The following NRXN1 variants were observed in gnomAD, a reference collection of about 807,000 sequenced individuals.
NRXN1 encodes the protein neurexin 1.
In NRXN1, 39 loss-of-function variants were observed where a neutral mutation model predicts 150.9. The observed-to-expected ratio is 0.26, with a 90% CI of 0.20 to 0.34. The LOEUF is 0.34. Ranked by LOEUF, NRXN1 falls within the 10% of genes least tolerant of loss-of-function variation. The probability of loss-of-function intolerance (pLI) is 1.00; values close to 1 mark genes in which losing one functional copy is unlikely to be tolerated. For synonymous variants in NRXN1, 924 were observed against 757.0 expected, an observed-to-expected ratio of 1.22 and a Z score of -3.62; for missense variants, 1,815 against 1,949.9, an observed-to-expected ratio of 0.93 and a Z score of 1.30.
chr2:50,957,715 T>C (rs1041388590), intron 2 of NRXN1, among the ~76,000 whole-genome samples: 29 of 152,152 alleles, frequency 1.9e-4, no homozygotes, highest in Admixed American at 5.9e-4. Context: ...AGAGAAAAAG[T>C]GATTTATTCT....
chr2:50,278,065 CTCTTTTT>C (rs1421613342), intron 17 of NRXN1, among the ~76,000 whole-genome samples: 1 of 78,236 alleles, frequency 1.3e-5, no homozygotes, highest in Non-Finnish European at 2.1e-5. Flanking sequence ...CTTTCTCTCT[CTCTTTTT>C]TTTTTTTTTT....
chr2:50,485,590 C>A (rs1215412858), intron 15 of NRXN1, among the ~76,000 whole-genome samples: 3 of 152,144 alleles, frequency 2.0e-5, no homozygotes, highest in Non-Finnish European at 4.4e-5. Flanking sequence ...GGTACACTTC[C>A]AAGGTTGAGG....
chr2:50,350,327 C>T lies in NRXN1; in HGVS notation c.3365-113357G>A, dbSNP rs797005898. Among the ~76,000 whole-genome samples, 4 of 152,266 alleles carry T rather than the reference C, an allele frequency of 2.6e-5. 1 individual carries two copies. The highest frequency in any genetic ancestry group is 9.6e-5 in the African/African-American group (4 of 41,556). On this transcript the variant is annotated intron_variant, in intron 17 of 22. Transcript: ENST00000401669. ...TCTTGCATTTAGGAACATTAGACAG[C>T]CCTTTAGTATTATGCTTGAGGGCCA...
At chr2:50,444,134 G>C (rs900751865) in intron 17 of NRXN1, among the ~76,000 whole-genome samples, 2 of 152,066 alleles carry the variant, frequency 1.3e-5, no homozygotes, top group African/African-American at 4.8e-5. Flanking sequence ...GCACAATCAA[G>C]GCATGCAATG....
At chr2:50,557,194 G>A (rs928097359) in intron 8 of NRXN1, among the ~76,000 whole-genome samples, 2 of 152,170 alleles carry the variant, frequency 1.3e-5, no homozygotes, top group Non-Finnish European at 2.9e-5. Context: ...GCGGGAGTAT[G>A]TGAAATTCAG....
intron 18 of NRXN1, among the ~76,000 whole-genome samples, chr2:50,160,463 C>A (rs2059295965): frequency 6.6e-6 from 1 of 152,000 alleles, no homozygotes; most frequent in Non-Finnish European, 1.5e-5. Flanking sequence ...ATTGCTTGAA[C>A]CCAGGAGGTG....
chr2:50,980,977 G>A (rs2104881691), intron 2 of NRXN1, among the ~76,000 whole-genome samples: 1 of 152,036 alleles, frequency 6.6e-6, no homozygotes, highest in African/African-American at 2.4e-5. Context: ...AGTTCTTCTA[G>A]GCACAGAGAG....
chr2:49,953,316 C>G (rs1309723983), intron 21 of NRXN1, among the ~76,000 whole-genome samples: 1 of 152,104 alleles, frequency 6.6e-6, no homozygotes, highest in African/African-American at 2.4e-5. Context: ...CATCTCTATG[C>G]TTGTATCTAT....
intron 18 of NRXN1, among the ~76,000 whole-genome samples, chr2:50,150,446 T>C (rs1342066850): frequency 6.6e-6 from 1 of 151,818 alleles, no homozygotes; most frequent in Non-Finnish European, 1.5e-5. Flanking sequence ...CTTACTACTT[T>C]GTGCAAACCA....
intron 15 of NRXN1, among the ~76,000 whole-genome samples, chr2:50,493,305 GA>G (rs571622377): frequency 6.6e-5 from 10 of 151,874 alleles, no homozygotes; most frequent in South Asian, 2.1e-4. Flanking sequence ...GTGGAAAAAA[GA>G]AAAAAATGCC....
At chr2:50,281,715 C>G (rs918100187) in intron 17 of NRXN1, among the ~76,000 whole-genome samples, 2 of 152,020 alleles carry the variant, frequency 1.3e-5, no homozygotes, top group Non-Finnish European at 2.9e-5. Flanking sequence ...AAGTAAGGAT[C>G]GCAAAAATGA....
chr2:50,106,027 A>G (rs1558889628), intron 18 of NRXN1, among the ~76,000 whole-genome samples: 1 of 151,944 alleles, frequency 6.6e-6, no homozygotes, highest in Non-Finnish European at 1.5e-5. Context: ...TATGATTAGA[A>G]ATGTTAATGT....
intron 5 of NRXN1, chr2:50,631,156 A>C: frequency 2.3e-6 from 1 of 429,172 alleles, no homozygotes; most frequent in Non-Finnish European, 4.7e-6. Context: ...TATGTTGTAA[A>C]ATATTCTAAA....
chr2:50,254,367 C>T (rs1204186660), intron 17 of NRXN1, among the ~76,000 whole-genome samples: 2 of 151,018 alleles, frequency 1.3e-5, no homozygotes, highest in Admixed American at 1.3e-4. Flanking sequence ...AAGACCAGCT[C>T]CTGGATTCAT....
chr2:50,373,663 A>T (rs1558620128), intron 17 of NRXN1, among the ~76,000 whole-genome samples: 1 of 103,972 alleles, frequency 9.6e-6, no homozygotes, highest in African/African-American at 4.6e-5. Flanking sequence ...AGAAAGAAAG[A>T]AAGAAAGAAA....
chr2:50,821,890 C>A (rs1181720709), intron 5 of NRXN1, among the ~76,000 whole-genome samples: 1 of 152,094 alleles, frequency 6.6e-6, no homozygotes, highest in East Asian at 1.9e-4. Flanking sequence ...GACTCCAAAT[C>A]TACTCAGTTC....
chr2:50,038,261 A>G (rs576865108), intron 21 of NRXN1, among the ~76,000 whole-genome samples: 1 of 152,168 alleles, frequency 6.6e-6, no homozygotes, highest in Non-Finnish European at 1.5e-5. Context: ...TCCTGCCCCT[A>G]TGTAATGTCC....
At chr2:50,796,996 C>G (rs1375215822) in intron 5 of NRXN1, among the ~76,000 whole-genome samples, 1 of 152,160 alleles carries the variant, frequency 6.6e-6, no homozygotes, top group Non-Finnish European at 1.5e-5. Context: ...TGTGTCCTCA[C>G]ATGGCAGAAG....
At chr2:50,262,659 G>A (rs1048701762) in intron 17 of NRXN1, among the ~76,000 whole-genome samples, 1 of 151,834 alleles carries the variant, frequency 6.6e-6, no homozygotes. Flanking sequence ...ATCCAGAAAG[G>A]GATTCATTAC....
Sources: gnomAD v4.1 joint callset for allele counts (sites outside exome capture counted in the v4.1 genomes callset) on GRCh38, gnomAD v4.1.1 for gene constraint, MANE v1.5 for transcripts, NCBI Gene and HGNC (gene_info 2026-07-23, HGNC 2026-07-21) for gene names.